Variants in COBL observed in about 807,000 individuals in gnomAD.
COBL encodes the protein cordon-bleu WH2 repeat protein, also known as protein cordon-bleu.
In COBL, 51 loss-of-function variants were observed where a neutral mutation model predicts 98.8. The ratio of observed to expected loss-of-function variants is 0.52; its 90% CI spans 0.41 to 0.65. The LOEUF (loss-of-function observed/expected upper bound fraction) is 0.65. Ranked by LOEUF, COBL falls within the 30% of genes least tolerant of loss-of-function variation. COBL has a pLI of 0.00. For missense variants in COBL, 1,617 were observed against 1,617.5 expected, an observed-to-expected ratio of 1.00 and a Z score of 0.01; for synonymous variants, 634 against 651.7, an observed-to-expected ratio of 0.97 and a Z score of 0.41.
At chr7:51,157,100 G>T (rs1390869435) in intron 5 of COBL, among the ~76,000 whole-genome samples, 1 of 152,194 alleles carries the variant, frequency 6.6e-6, no homozygotes, top group Non-Finnish European at 1.5e-5. Context: ...GCCAGACACG[G>T]TGGCTCACGC....
chr7:51,136,281 C>A lies in COBL; in HGVS notation c.834G>T (p.Thr278=), dbSNP rs758841166. Reference sequence around the variant, plus strand: ...TGCCCAGCGAGAGGGATGGACCCAGCGTAAGAGAACGTGAGTGCATGGATG... The same window carrying A: ...TGCCCAGCGAGAGGGATGGACCCAGAGTAAGAGAACGTGAGTGCATGGATG... ...NSPSMHSRSL[T]LGPSLSLGSI... Residue 278 remains threonine (T), a synonymous_variant, in exon 6 of 13, where the codon ACG becomes ACT. Transcript: ENST00000265136. The A allele has an allele frequency of 1.2e-6, 2 of 1,613,886 alleles. No homozygotes were observed. Among genetic ancestry groups the A allele is most frequent in the African/African-American group, 1.3e-5 (1 of 74,890 alleles).
intron 6 of COBL, among the ~76,000 whole-genome samples, chr7:51,102,315 T>G (rs2043731): frequency 0.4 from 60,625 of 151,894 alleles, 12,267 homozygotes; most frequent in East Asian, 0.56. Flanking sequence ...TTGGAAGCAT[T>G]TGCTCCACTT....
intron 8 of COBL, chr7:51,036,017 A>G (rs1355571223): frequency 1.3e-5 from 2 of 152,188 alleles, no homozygotes; most frequent in Non-Finnish European, 2.9e-5. Context: ...CATAGATACC[A>G]AATTCTGCGG....
At chr7:51,205,971 C>A (rs1374203825) in intron 2 of COBL, among the ~76,000 whole-genome samples, 2 of 152,100 alleles carry the variant, frequency 1.3e-5, no homozygotes, top group Non-Finnish European at 2.9e-5. Context: ...CAGGAAAGTG[C>A]AATTCAAAAC....
chr7:51,220,338 T>C lies in COBL; in HGVS notation c.42-394A>G, dbSNP rs77999994. Among the ~76,000 whole-genome samples, 1,245 of 152,158 alleles carry C rather than the reference T, an allele frequency of 8.2e-3. 66 individuals are homozygous for C. In the South Asian group the frequency reaches 0.14, roughly 17 times the overall value. On this transcript the variant is annotated intron_variant, in intron 1 of 12. Transcript: ENST00000265136. ...TGGGCTCACTAACACATGTGACACT[T>C]TATTAAATCTTGCCCCAGCTCCAAA...
At chr7:51,058,648 A>G (rs1019419583) in intron 7 of COBL, among the ~76,000 whole-genome samples, 2 of 152,218 alleles carry the variant, frequency 1.3e-5, no homozygotes, top group Non-Finnish European at 2.9e-5. Flanking sequence ...CCAGCAAATC[A>G]GTGCTTACAG....
At chr7:51,055,862 C>A (rs1331549376) in intron 7 of COBL, among the ~76,000 whole-genome samples, 1 of 152,100 alleles carries the variant, frequency 6.6e-6, no homozygotes, top group South Asian at 2.1e-4. Context: ...AGACAGCTGT[C>A]TCCAACAACA....
At chr7:51,106,831 T>A (rs1796321569) in intron 6 of COBL, among the ~76,000 whole-genome samples, 1 of 151,080 alleles carries the variant, frequency 6.6e-6, no homozygotes, top group African/African-American at 2.4e-5. Context: ...GCATGCTTCA[T>A]GGAAAGTTAT....
intron 6 of COBL, among the ~76,000 whole-genome samples, chr7:51,094,366 A>G (rs956340036): frequency 1.3e-5 from 2 of 152,182 alleles, no homozygotes; most frequent in African/African-American, 4.8e-5. Flanking sequence ...CTTAAAGAAT[A>G]TAATTTTAAT....
At chr7:51,221,475 T>C (rs1360033051) in intron 1 of COBL, among the ~76,000 whole-genome samples, 1 of 152,196 alleles carries the variant, frequency 6.6e-6, no homozygotes, top group Non-Finnish European at 1.5e-5. Context: ...TGAAAGACAA[T>C]GTCAATAAAT....
rs28649053 is a variant in COBL, at chr7:51,272,948, C to A, written c.41+43645G>T. The stretch of plus-strand genomic sequence containing the variant: ...GCGTTTTCATCTATGGAACACAATA[C>A]CAACAACAACAACAACAACAACAAC... On this transcript the variant is annotated intron_variant, in intron 1 of 12. Coordinates refer to ENST00000265136, the MANE Select transcript of COBL (RefSeq NM_015198.5). Among the ~76,000 whole-genome samples the A allele has an allele frequency of 6.9e-3, 1,004 of 146,228 alleles. 16 individuals are homozygous for A. Among genetic ancestry groups the A allele is most frequent in the African/African-American group, 0.024 (886 of 36,776 alleles).
rs190145467 is a variant in COBL at position 51,240,552 on chromosome 7, T to C, written c.42-20608A>G. On this transcript the variant is annotated intron_variant, in intron 1 of 12. Transcript: ENST00000265136. Reference sequence around the variant, plus strand: ...GAGTACTGAACATATTTTTTTTTTATTTTATTTTTTTGAGACAGAGTTTGA... The same window carrying C: ...GAGTACTGAACATATTTTTTTTTTACTTTATTTTTTTGAGACAGAGTTTGA... 3.7e-3 allele frequency among the ~76,000 whole-genome samples: 558 copies of C among 152,126 alleles called. 1 individual carries two copies. The highest frequency in any genetic ancestry group is 0.013 in the African/African-American group (541 of 41,468).
Position 51,160,903 on chromosome 7 carries a change from A to G in COBL, c.783+23199T>C, listed in dbSNP as rs894245982. Among the ~76,000 whole-genome samples the G allele has an allele frequency of 1.3e-4, 19 of 151,392 alleles. 1 individual carries two copies. The South Asian group carries it at 4.0e-3, about 32-fold the overall frequency. On this transcript the variant is annotated intron_variant, in intron 5 of 12. Transcript: ENST00000265136. The stretch of plus-strand genomic sequence containing the variant: ...ATATGCAATTTATTTTGTTTTGAAT[A>G]TAAAGCTTTTTTTTTTTTGAGATGG...
At chr7:51,178,027 T>G (rs1788570239) in intron 5 of COBL, among the ~76,000 whole-genome samples, 1 of 151,928 alleles carries the variant, frequency 6.6e-6, no homozygotes, top group African/African-American at 2.4e-5. Flanking sequence ...GTGCCTGTCA[T>G]CTCAGCTACT....
chr7:51,273,055 G>T (rs184928940), intron 1 of COBL, among the ~76,000 whole-genome samples: 3 of 152,092 alleles, frequency 2.0e-5, no homozygotes, highest in Non-Finnish European at 4.4e-5. Context: ...AAAGCCAGGC[G>T]CAGTGGCTCA....
intron 1 of COBL, among the ~76,000 whole-genome samples, chr7:51,240,653 T>C (rs1229169299): frequency 1.3e-5 from 2 of 152,058 alleles, no homozygotes; most frequent in African/African-American, 4.8e-5. Flanking sequence ...TTCAAGCAAT[T>C]CTCCTGCCTC....
chr7:51,145,481 A>G lies in COBL; in HGVS notation c.784-9150T>C, dbSNP rs116034281. Among the ~76,000 whole-genome samples, 1,238 of 150,398 alleles carry G rather than the reference A, an allele frequency of 8.2e-3. 13 individuals are homozygous for G. The highest frequency in any genetic ancestry group is 0.029 in the African/African-American group (1,177 of 40,780). On this transcript the variant is annotated intron_variant, in intron 5 of 12. Transcript: ENST00000265136. ...CTGCAACCTCTACCTCCCGGGTTCAAGCTTCTCCTGCCTCCGCTTCCTGAG... is the reference window on the plus strand; with the variant it reads ...CTGCAACCTCTACCTCCCGGGTTCAGGCTTCTCCTGCCTCCGCTTCCTGAG...
chr7:51,076,391 C>A (rs1434027397), intron 7 of COBL, among the ~76,000 whole-genome samples: 1 of 152,222 alleles, frequency 6.6e-6, no homozygotes, highest in Non-Finnish European at 1.5e-5. Flanking sequence ...TGGCTGTTCA[C>A]CGAGCCAGCA....
chr7:51,312,870 T>A (rs965393108), intron 1 of COBL, among the ~76,000 whole-genome samples: 3 of 152,184 alleles, frequency 2.0e-5, no homozygotes, highest in African/African-American at 7.2e-5. Flanking sequence ...ATACTTCAGT[T>A]CTATCCCCTT....
Sources: gnomAD v4.1 joint callset for allele counts (sites outside exome capture counted in the v4.1 genomes callset) on GRCh38, gnomAD v4.1.1 for gene constraint, MANE v1.5 for transcripts, NCBI Gene and HGNC (gene_info 2026-07-23, HGNC 2026-07-21) for gene names.